Variants in ZNF684 observed in about 807,000 individuals in gnomAD.
The protein encoded by ZNF684 is zinc finger protein 684.
A neutral mutation model predicts 12.8 loss-of-function variants in ZNF684; 13 were observed. That is an observed-to-expected ratio of 1.02 (90% CI 0.66 to 1.62). The LOEUF is 1.62. Among genes scored for constraint, ZNF684 ranks in the 40% most tolerant of loss-of-function variants. ZNF684 has a pLI of 0.00. For synonymous variants in ZNF684, 118 were observed against 151.8 expected, an observed-to-expected ratio of 0.78 and a Z score of 1.64; for missense variants, 384 against 446.9, an observed-to-expected ratio of 0.86 and a Z score of 1.27.
intron 2 of ZNF684, among the ~76,000 whole-genome samples, chr1:40,535,945 C>G (rs1433596976): frequency 6.6e-6 from 1 of 152,172 alleles, no homozygotes; most frequent in African/African-American, 2.4e-5. Flanking sequence ...ATTCTGTTTA[C>G]AAAAACAGGA....
intron 4 of ZNF684, 135 bp downstream of exon 4, chr1:40,541,845 CT>C: frequency 7.5e-6 from 5 of 665,072 alleles, no homozygotes; most frequent in Non-Finnish European, 1.0e-5. Flanking sequence ...CATCAGCCAG[CT>C]CCCCAAAAGC....
At chr1:40,537,593 A>T (rs1374447843) in intron 2 of ZNF684, among the ~76,000 whole-genome samples, 3 of 152,116 alleles carry the variant, frequency 2.0e-5, no homozygotes, top group African/African-American at 7.2e-5. Flanking sequence ...TACAAAAAAA[A>T]TTAGCCAGGT....
chr1:40,543,073 A>G (rs1184932931), intron 4 of ZNF684, among the ~76,000 whole-genome samples: 2 of 151,744 alleles, frequency 1.3e-5, no homozygotes, highest in East Asian at 3.9e-4. Flanking sequence ...ATGCCATCAT[A>G]GCTCACTGCA....
chr1:40,540,720 C>T lies in ZNF684; in HGVS notation c.142+8C>T, dbSNP rs774778987. ...GAAACCTCATCTCAGTGGGTAAGGA[C>T]AATGAGTGGTAACTTTTCAGTGTAA... On this transcript the variant is annotated splice_region_variant and intron_variant, in intron 3 of 4. Coordinates refer to ENST00000372699, the MANE Select transcript of ZNF684 (RefSeq NM_152373.4). 5.0e-6 allele frequency: 8 copies of T among 1,586,404 alleles called. No individual in the cohort carries two copies. In the African/African-American group the frequency reaches 8.2e-5, roughly 16 times the overall value.
rs762082491 is a variant in ZNF684 at position 40,546,855 on chromosome 1, G to GA, written c.539dup (p.Asn180LysfsTer9). The GA allele has an allele frequency of 6.2e-7, 1 of 1,612,830 alleles. No homozygotes were observed. The highest frequency in any genetic ancestry group is 8.5e-7 in the Non-Finnish European group (1 of 1,179,734). On this transcript the variant is annotated frameshift_variant, in exon 5 of 5. Transcript: ENST00000372699. LOFTEE classifies it low-confidence loss of function (END_TRUNC). ...AAAGAAGTTTCATTTCATTAGACATGAAAAAAATCATACAAGGAAAAAACC... is the reference window on the plus strand; with the variant it reads ...AAAGAAGTTTCATTTCATTAGACATGAAAAAAAATCATACAAGGAAAAAACC...
At chr1:40,534,851 G>A (rs1291300357) in intron 2 of ZNF684, among the ~76,000 whole-genome samples, 2 of 151,928 alleles carry the variant, frequency 1.3e-5, no homozygotes, top group African/African-American at 2.4e-5. Context: ...TAATTAGCAT[G>A]GCATGATGGC....
rs1289841510 is a variant in ZNF684, at chr1:40,547,356, C to A, written c.1033C>A (p.His345Asn). Residue 345 changes from histidine (H) to asparagine (N), a missense_variant, in exon 5 of 5, where the codon CAT becomes AAT. Coordinates refer to ENST00000372699, the MANE Select transcript of ZNF684 (RefSeq NM_152373.4). ...AFIKKSHLLRHQITHTGEKPY... is the reference protein window; with the variant it reads ...AFIKKSHLLRNQITHTGEKPY... ...CATCAAGAAGTCCCATCTCCTCAGACATCAGATAACTCATACAGGAGAGAA... is the reference window on the plus strand; with the variant it reads ...CATCAAGAAGTCCCATCTCCTCAGAAATCAGATAACTCATACAGGAGAGAA... 6.2e-7 allele frequency: 1 copy of A among 1,613,998 alleles called. No individual in the cohort carries two copies. The highest frequency in any genetic ancestry group is 2.2e-5 in the East Asian group (1 of 44,880).
chr1:40,546,364 GT>G (rs1191734006), intron 4 of ZNF684, among the ~76,000 whole-genome samples, 197 bp from the exon 5 acceptor site: 1 of 152,152 alleles, frequency 6.6e-6, no homozygotes, highest in Non-Finnish European at 1.5e-5. Context: ...CTAATTTACT[GT>G]CTTTCCACAG....
intron 2 of ZNF684, among the ~76,000 whole-genome samples, chr1:40,538,514 G>T (rs981185152): frequency 6.6e-6 from 1 of 152,056 alleles, no homozygotes; most frequent in African/African-American, 2.4e-5. Context: ...AATTCTCGTG[G>T]GTATATACCT....
At chr1:40,531,977 G>A (rs1167990162) in intron 1 of ZNF684, among the ~76,000 whole-genome samples, 190 bp downstream of exon 1, 1 of 152,182 alleles carries the variant, frequency 6.6e-6, no homozygotes, top group Non-Finnish European at 1.5e-5. Context: ...AGATGTCCAG[G>A]GCTCTGGTGG....
chr1:40,534,826 C>A (rs1425022802), intron 2 of ZNF684, among the ~76,000 whole-genome samples: 2 of 150,468 alleles, frequency 1.3e-5, no homozygotes, highest in Non-Finnish European at 2.9e-5. Context: ...GACCCCATCT[C>A]TAGAAAAAAA....
rs1333719559 is a variant in ZNF684, at chr1:40,536,662, C to G, written c.15+3481C>G. Reference sequence around the variant, plus strand: ...ATATCTCCCAATGCTATCCCTCCCCCCTCCCCCCACCCCACAACAGGCCCC... The same window carrying G: ...ATATCTCCCAATGCTATCCCTCCCCGCTCCCCCCACCCCACAACAGGCCCC... On this transcript the variant is annotated intron_variant, in intron 2 of 4. Coordinates refer to ENST00000372699, the MANE Select transcript of ZNF684 (RefSeq NM_152373.4). Among the ~76,000 whole-genome samples, 7 of 109,202 alleles carry G rather than the reference C, an allele frequency of 6.4e-5. No individual in the cohort carries two copies. In the Admixed American group the frequency reaches 7.4e-4, roughly 12 times the overall value. The allele number at this position is 109,202 out of a possible 152,430, so 71.6% of individuals were successfully genotyped here.
At chr1:40,539,341 T>G (rs1044261620) in intron 2 of ZNF684, among the ~76,000 whole-genome samples, 27 of 152,098 alleles carry the variant, frequency 1.8e-4, no homozygotes, top group Non-Finnish European at 8.8e-5. Context: ...CAAAAAATAT[T>G]TTTTTAATTG....
At chr1:40,544,411 G>C in intron 4 of ZNF684, 1 of 421,442 alleles carries the variant, frequency 2.4e-6, no homozygotes, top group Non-Finnish European at 4.7e-6. Context: ...TCGCTCTGTC[G>C]CCAGGCTGGA....
chr1:40,542,293 C>T (rs1210878890), intron 4 of ZNF684, among the ~76,000 whole-genome samples: 1 of 152,050 alleles, frequency 6.6e-6, no homozygotes, highest in East Asian at 1.9e-4. Flanking sequence ...TTAGGTACAT[C>T]ATGTTCTATT....
intron 4 of ZNF684, among the ~76,000 whole-genome samples, chr1:40,542,743 C>T (rs370144393): frequency 6.6e-6 from 1 of 152,142 alleles, no homozygotes; most frequent in East Asian, 1.9e-4. Flanking sequence ...TAATGAATGG[C>T]CCCCTGCTTT....
At position 40,547,152 on chromosome 1, in the gene ZNF684, G is replaced by C; in HGVS notation, c.829G>C (p.Gly277Arg). Residue 277 changes from glycine to arginine, a missense_variant, in exon 5 of 5, where the codon GGG becomes CGG. Coordinates refer to ENST00000372699, the MANE Select transcript of ZNF684 (RefSeq NM_152373.4). ...LEKSFECKEC[G>R]KTFRYSSSLY... ...GAAGTCATTTGAATGTAAGGAATGT[G>C]GGAAAACCTTCAGGTATAGTTCATC... 1 of 1,614,182 alleles carries C rather than the reference G, an allele frequency of 6.2e-7. No individual in the cohort carries two copies. Among genetic ancestry groups the C allele is most frequent in the South Asian group, 1.1e-5 (1 of 91,086 alleles).
intron 2 of ZNF684, among the ~76,000 whole-genome samples, chr1:40,538,595 T>C (rs891084243): frequency 5.9e-5 from 9 of 152,082 alleles, no homozygotes; most frequent in Non-Finnish European, 1.2e-4. Context: ...CAGTGGCTCA[T>C]GCCTGTAATC....
rs1646052424 is a variant in ZNF684, at chr1:40,546,963, C to T, written c.640C>T (p.Pro214Ser). 1.7e-5 allele frequency: 28 copies of T among 1,613,998 alleles called. No individual in the cohort carries two copies. The highest frequency in any genetic ancestry group is 2.4e-5 in the Non-Finnish European group (28 of 1,179,998). The change falls in exon 5 of 5, where the codon CCC (proline) becomes TCC (serine). Residue 214 changes from proline (P) to serine (S), a missense_variant. Physicochemically the swap from Pro to Ser is moderately conservative, Grantham distance 74. Coordinates refer to ENST00000372699, the MANE Select transcript of ZNF684 (RefSeq NM_152373.4). ...TCAGAAAATTCATAATGGAGAGAGA[C>T]CCTTTGTGTGCAATGATTGTGGGAA... ...THQKIHNGER[P>S]FVCNDCGKAF... is the part of the protein sequence containing the mutation.
Sources: gnomAD v4.1 joint callset for allele counts (sites outside exome capture counted in the v4.1 genomes callset) on GRCh38, gnomAD v4.1.1 for gene constraint, MANE v1.5 for transcripts, NCBI Gene and HGNC (gene_info 2026-07-23, HGNC 2026-07-21) for gene names.